The following CSMD1 variants were observed in gnomAD, a reference collection of about 807,000 sequenced individuals.
CSMD1 encodes CUB and Sushi multiple domains 1.
In CSMD1, 213 loss-of-function variants were observed where a neutral mutation model predicts 417.5. The observed-to-expected ratio is 0.51, with a 90% CI of 0.46 to 0.57. The LOEUF (loss-of-function observed/expected upper bound fraction) is 0.57, where lower values mean the gene tolerates loss of function less well. Among genes scored for constraint, CSMD1 ranks in the 20% least tolerant of loss-of-function variants. The pLI is 0.00. For missense variants in CSMD1, 6,923 were observed against 4,529.7 expected, an observed-to-expected ratio of 1.53 and a Z score of -15.17; for synonymous variants, 2,862 against 1,736.8, an observed-to-expected ratio of 1.65 and a Z score of -16.11.
At position 4,474,717 on chromosome 8, in the gene CSMD1, T is replaced by G. The variant is rs183017292; in HGVS notation, c.303-54652A>C. ...GAGCAGTTTACTCCCACGTGGACTTTCTTCTCCCTCTGCCATCCGGAGACA... is the reference window on the plus strand; with the variant it reads ...GAGCAGTTTACTCCCACGTGGACTTGCTTCTCCCTCTGCCATCCGGAGACA... On this transcript the variant is annotated intron_variant, in intron 2 of 69. Transcript: ENST00000635120. 3.8e-3 allele frequency among the ~76,000 whole-genome samples: 577 copies of G among 152,258 alleles called. 8 individuals are homozygous for G. Among genetic ancestry groups the G allele is most frequent in the South Asian group, 8.7e-3 (42 of 4,812 alleles).
At chr8:4,638,301 A>G (rs1802968457) in intron 1 of CSMD1, among the ~76,000 whole-genome samples, 1 of 152,188 alleles carries the variant, frequency 6.6e-6, no homozygotes, top group Non-Finnish European at 1.5e-5. Context: ...CTAGCCACAT[A>G]ACTGCAATAT....
chr8:4,515,031 A>G (rs1055031771), intron 2 of CSMD1, among the ~76,000 whole-genome samples: 2 of 152,162 alleles, frequency 1.3e-5, no homozygotes, highest in African/African-American at 4.8e-5. Context: ...CAAAAGAAGA[A>G]GCACTTTCAG....
At chr8:3,421,087 G>C (rs1286084370) in intron 12 of CSMD1, among the ~76,000 whole-genome samples, 2 of 152,146 alleles carry the variant, frequency 1.3e-5, no homozygotes, top group Non-Finnish European at 2.9e-5. Flanking sequence ...AGCTTCATTT[G>C]CTGATTCTAT....
intron 5 of CSMD1, among the ~76,000 whole-genome samples, chr8:3,855,586 G>C (rs1010136505): frequency 6.6e-6 from 1 of 152,140 alleles, no homozygotes; most frequent in African/African-American, 2.4e-5. Context: ...GTTTCAGTTG[G>C]TACAATGCCA....
At chr8:3,445,308 C>A (rs1461261390) in intron 12 of CSMD1, among the ~76,000 whole-genome samples, 1 of 152,134 alleles carries the variant, frequency 6.6e-6, no homozygotes, top group African/African-American at 2.4e-5. Context: ...GGTAAGGGTA[C>A]TAATATATCC....
At chr8:4,823,261 A>G (rs1031177313) in intron 1 of CSMD1, among the ~76,000 whole-genome samples, 3 of 151,940 alleles carry the variant, frequency 2.0e-5, no homozygotes, top group Admixed American at 1.3e-4. Context: ...GTGTTTTCCA[A>G]TGTTGAAACT....
intron 2 of CSMD1, among the ~76,000 whole-genome samples, chr8:4,567,380 G>C (rs1798662743): frequency 6.6e-6 from 1 of 152,132 alleles, no homozygotes; most frequent in Non-Finnish European, 1.5e-5. Flanking sequence ...TGTTGCACCA[G>C]GAATTAGACA....
chr8:3,758,907 G>A (rs569236457), intron 5 of CSMD1, among the ~76,000 whole-genome samples: 9 of 152,314 alleles, frequency 5.9e-5, no homozygotes, highest in South Asian at 2.1e-4. Context: ...GAGGCAGGAG[G>A]ACAAGGTTCC....
At chr8:4,760,415 C>T (rs1423307515) in intron 1 of CSMD1, among the ~76,000 whole-genome samples, 1 of 152,080 alleles carries the variant, frequency 6.6e-6, no homozygotes, top group Non-Finnish European at 1.5e-5. Context: ...CTTTATGATA[C>T]CTTTGTGGCT....
At chr8:3,224,283 C>G (rs1400183622) in intron 27 of CSMD1, among the ~76,000 whole-genome samples, 1 of 152,194 alleles carries the variant, frequency 6.6e-6, no homozygotes, top group African/African-American at 2.4e-5. Flanking sequence ...AATTATTTTG[C>G]TATTTCTCAC....
At chr8:3,945,704 A>G (rs1400761291) in intron 5 of CSMD1, among the ~76,000 whole-genome samples, 4 of 152,140 alleles carry the variant, frequency 2.6e-5, no homozygotes, top group African/African-American at 9.6e-5. Flanking sequence ...ATCGACATTT[A>G]AAGCTCATTT....
chr8:4,614,251 G>A (rs1006408521), intron 2 of CSMD1, among the ~76,000 whole-genome samples: 1 of 152,306 alleles, frequency 6.6e-6, no homozygotes, highest in African/African-American at 2.4e-5. Flanking sequence ...CCCAAGACTA[G>A]TTCAGGCTAC....
chr8:4,640,569 T>A (rs1803125964), intron 1 of CSMD1, among the ~76,000 whole-genome samples: 1 of 152,158 alleles, frequency 6.6e-6, no homozygotes, highest in Admixed American at 6.5e-5. Context: ...GCACAAATAT[T>A]CTATACATGT....
At chr8:3,416,456 T>A (rs1813158494) in intron 12 of CSMD1, among the ~76,000 whole-genome samples, 2 of 152,174 alleles carry the variant, frequency 1.3e-5, no homozygotes, top group Admixed American at 1.3e-4. Flanking sequence ...TATGATGGAT[T>A]TTTAAACATC....
At chr8:4,333,035 C>A in intron 3 of CSMD1, among the ~76,000 whole-genome samples, 1 of 151,792 alleles carries the variant, frequency 6.6e-6, no homozygotes, top group East Asian at 1.9e-4. Context: ...ATCCCACACA[C>A]AGCAACCATT....
chr8:3,114,083 AAAAAACAT>A, intron 42 of CSMD1, among the ~76,000 whole-genome samples: 1 of 151,670 alleles, frequency 6.6e-6, no homozygotes, highest in South Asian at 2.1e-4. Flanking sequence ...ACAAACAAAC[AAAAAACAT>A]TAATTATCCA....
At chr8:4,310,198 C>T (rs4875323) in intron 3 of CSMD1, among the ~76,000 whole-genome samples, 96,234 of 152,000 alleles carry the variant, frequency 0.63, 31,454 homozygotes, top group East Asian at 0.86. Context: ...TGGTAATCTC[C>T]TTTCCATCTA....
intron 23 of CSMD1, among the ~76,000 whole-genome samples, chr8:3,322,108 G>C (rs768050349): frequency 6.6e-6 from 1 of 152,196 alleles, no homozygotes; most frequent in African/African-American, 2.4e-5. Flanking sequence ...GACATCTTCA[G>C]TGTTATGAAT....
chr8:4,840,201 T>A (rs939414422), intron 1 of CSMD1, among the ~76,000 whole-genome samples: 2 of 7,926 alleles, frequency 2.5e-4, no homozygotes, highest in African/African-American at 3.8e-4. Flanking sequence ...TCATCCCTGA[T>A]CATGGTCTAT....
Sources: gnomAD v4.1 joint callset for allele counts (sites outside exome capture counted in the v4.1 genomes callset) on GRCh38, gnomAD v4.1.1 for gene constraint, MANE v1.5 for transcripts, NCBI Gene and HGNC (gene_info 2026-07-23, HGNC 2026-07-21) for gene names.